NOPCHAP1: variants seen among roughly 807,000 people sequenced by gnomAD.
The protein encoded by NOPCHAP1 is DNA damage-sensitive RNA 1.
NOPCHAP1 carries 13 observed loss-of-function variants against 14.0 expected under a neutral mutation model. That is an observed-to-expected ratio of 0.93 (90% CI 0.60 to 1.47). The LOEUF is 1.47. Among genes scored for constraint, NOPCHAP1 ranks in the 40% most tolerant of loss-of-function variants. NOPCHAP1 has a pLI of 0.00. For missense variants in NOPCHAP1, 230 were observed against 226.9 expected, an observed-to-expected ratio of 1.01 and a Z score of -0.09; for synonymous variants, 78 against 78.4, an observed-to-expected ratio of 1.00 and a Z score of 0.03.
chr12:104,997,470 C>T lies in NOPCHAP1; in HGVS notation c.*2774C>T, dbSNP rs1434385469. Reference sequence around the variant, plus strand: ...CTAACCAGCACATTGTGCACATGTACCCTAAAACTTAAAGTATAATAATAA... The same window carrying T: ...CTAACCAGCACATTGTGCACATGTATCCTAAAACTTAAAGTATAATAATAA... On this transcript the variant is annotated 3_prime_UTR_variant, in exon 4 of 4. Coordinates refer to ENST00000552951, the MANE Select transcript of NOPCHAP1 (RefSeq NM_152318.3). 1 of 152,078 alleles carries T rather than the reference C, an allele frequency of 6.6e-6. No homozygotes were observed. The highest frequency in any genetic ancestry group is 1.5e-5 in the Non-Finnish European group (1 of 68,022). 9.4% of individuals were successfully genotyped at this position (152,078 alleles called of 1,614,324 possible). A position where few individuals can be genotyped will look rare whatever the true frequency, so the allele number is the denominator to read the frequency against.
chr12:105,005,068 G>A lies in NOPCHAP1; in HGVS notation c.*10372G>A, dbSNP rs1275743326. On this transcript the variant is annotated 3_prime_UTR_variant, in exon 4 of 4. Coordinates refer to ENST00000552951, the MANE Select transcript of NOPCHAP1 (RefSeq NM_152318.3). ...TAGGTTGAGGAGGAGGAAGCAGAGG[G>A]GTTGGCACAGGTGGAAGAGGTATAG... 1 of 152,126 alleles carries A rather than the reference G, an allele frequency of 6.6e-6. No individual in the cohort carries two copies. Among genetic ancestry groups the A allele is most frequent in the Non-Finnish European group, 1.5e-5 (1 of 68,034 alleles). The allele number at this position is 152,126 out of a possible 1,614,324, so 9.4% of individuals were successfully genotyped here. A position where few individuals can be genotyped will look rare whatever the true frequency, so the allele number is the denominator to read the frequency against.
chr12:105,001,132 T>C lies in NOPCHAP1; in HGVS notation c.*6436T>C, dbSNP rs994671909. 4.6e-5 allele frequency: 7 copies of C among 152,198 alleles called. 1 individual carries two copies. Among genetic ancestry groups the C allele is most frequent in the Admixed American group, 1.3e-4 (2 of 15,256 alleles). The allele number at this position is 152,198 out of a possible 1,614,324, so 9.4% of individuals were successfully genotyped here. On this transcript the variant is annotated 3_prime_UTR_variant, in exon 4 of 4. Coordinates refer to ENST00000552951, the MANE Select transcript of NOPCHAP1 (RefSeq NM_152318.3). ...ATACCATTGTGTTCGATTAACTGTT[T>C]TAGCTGTTTTATAACTTGTCCAGTG...
At chr12:104,987,651 G>A (rs746164992) in intron 1 of NOPCHAP1, among the ~76,000 whole-genome samples, 4 of 152,132 alleles carry the variant, frequency 2.6e-5, no homozygotes, top group African/African-American at 9.7e-5. Context: ...GAGAAATGAG[G>A]CTGGAAAGGT....
rs569370773 is a variant in NOPCHAP1 at position 104,997,015 on chromosome 12, C to A, written c.*2319C>A. 1 of 152,242 alleles carries A rather than the reference C, an allele frequency of 6.6e-6. No homozygotes were observed. The highest frequency in any genetic ancestry group is 2.4e-5 in the African/African-American group (1 of 41,526). The allele number at this position is 152,242 out of a possible 1,614,324, so 9.4% of individuals were successfully genotyped here. ...GGTGGGTCTCTTGAAGATAGCATACCATTGGATTTTGCTTCTTTATCCAAG... is the reference window on the plus strand; with the variant it reads ...GGTGGGTCTCTTGAAGATAGCATACAATTGGATTTTGCTTCTTTATCCAAG... On this transcript the variant is annotated 3_prime_UTR_variant, in exon 4 of 4. Coordinates refer to ENST00000552951, the MANE Select transcript of NOPCHAP1 (RefSeq NM_152318.3).
Position 105,003,297 on chromosome 12 carries a change from C to G in NOPCHAP1, c.*8601C>G, listed in dbSNP as rs1873645846. The G allele has an allele frequency of 6.6e-6, 1 of 151,936 alleles. No homozygotes were observed. Among genetic ancestry groups the G allele is most frequent in the Non-Finnish European group, 1.5e-5 (1 of 67,998 alleles). 9.4% of individuals were successfully genotyped at this position (151,936 alleles called of 1,614,324 possible). On this transcript the variant is annotated 3_prime_UTR_variant, in exon 4 of 4. Coordinates refer to ENST00000552951, the MANE Select transcript of NOPCHAP1 (RefSeq NM_152318.3). ...TCATTTTTCTAGAAAAGCAACATGC[C>G]CTGAGTCTGTAGTTCTTATACACGA...
rs11112299 is a variant in NOPCHAP1 at position 105,006,136 on chromosome 12, C to T, written c.*11440C>T. 0.31 allele frequency: 47,761 copies of T among 152,034 alleles called. 9,070 individuals are homozygous for T. Among genetic ancestry groups the T allele is most frequent in the African/African-American group, 0.53 (21,884 of 41,452 alleles). The allele number at this position is 152,034 out of a possible 1,614,324, so 9.4% of individuals were successfully genotyped here. ...TCATGATTTCCTTGATTGGCTCTGT[C>T]GTAAATCTTATGAATTCATGCATGA... On this transcript the variant is annotated 3_prime_UTR_variant, in exon 4 of 4. Coordinates refer to ENST00000552951, the MANE Select transcript of NOPCHAP1 (RefSeq NM_152318.3).
rs1280677338 is a variant in NOPCHAP1, at chr12:105,014,129, T to C, written c.*19433T>C. 2 of 152,230 alleles carry C rather than the reference T, an allele frequency of 1.3e-5. No homozygotes were observed. The highest frequency in any genetic ancestry group is 2.9e-5 in the Non-Finnish European group (2 of 68,038). The allele number at this position is 152,230 out of a possible 1,614,324, so 9.4% of individuals were successfully genotyped here. Reference sequence around the variant, plus strand: ...GCAACAGGAGGTGACCACAAAGTTATTACAGTACTAGAGTTAATTTTATGC... The same window carrying C: ...GCAACAGGAGGTGACCACAAAGTTACTACAGTACTAGAGTTAATTTTATGC... On this transcript the variant is annotated 3_prime_UTR_variant, in exon 4 of 4. Coordinates refer to ENST00000552951, the MANE Select transcript of NOPCHAP1 (RefSeq NM_152318.3).
rs9739965 is a variant in NOPCHAP1, at chr12:105,011,445, A to G, written c.*16749A>G. On this transcript the variant is annotated 3_prime_UTR_variant, in exon 4 of 4. Coordinates refer to ENST00000552951, the MANE Select transcript of NOPCHAP1 (RefSeq NM_152318.3). ...ACTCTTTATCCAGTTTGACTGATGG[A>G]TCTTGACTCTTTATCCTGTGTCTTT... The G allele has an allele frequency of 0.23, 34,389 of 151,780 alleles. 5,383 individuals carry two copies. The highest frequency in any genetic ancestry group is 0.5 in the East Asian group (2,574 of 5,162). The allele number at this position is 151,780 out of a possible 1,614,324, so 9.4% of individuals were successfully genotyped here.
Position 105,010,993 on chromosome 12 carries a change from C to T in NOPCHAP1, c.*16297C>T, listed in dbSNP as rs916589934. The T allele has an allele frequency of 6.6e-6, 1 of 152,164 alleles. No homozygotes were observed. The highest frequency in any genetic ancestry group is 1.5e-5 in the Non-Finnish European group (1 of 68,018). 9.4% of individuals were successfully genotyped at this position (152,164 alleles called of 1,614,324 possible). ...GAGTTCTGTAGATGTCTATTAAGCACACTTGGTCCAGAGCTGAGTTCAAGT... is the reference window on the plus strand; with the variant it reads ...GAGTTCTGTAGATGTCTATTAAGCATACTTGGTCCAGAGCTGAGTTCAAGT... On this transcript the variant is annotated 3_prime_UTR_variant, in exon 4 of 4. Transcript: ENST00000552951.
chr12:105,003,460 C>G lies in NOPCHAP1; in HGVS notation c.*8764C>G, dbSNP rs1395694731. The G allele has an allele frequency of 1.3e-5, 2 of 152,114 alleles. No individual in the cohort carries two copies. Among genetic ancestry groups the G allele is most frequent in the South Asian group, 2.1e-4 (1 of 4,816 alleles). 9.4% of individuals were successfully genotyped at this position (152,114 alleles called of 1,614,324 possible). A position where few individuals can be genotyped will look rare whatever the true frequency, so the allele number is the denominator to read the frequency against. On this transcript the variant is annotated 3_prime_UTR_variant, in exon 4 of 4. Transcript: ENST00000552951. The stretch of plus-strand genomic sequence containing the variant: ...GACCCTGTTTGGTAAAAGAATTGTT[C>G]AAGTAAATTTGGAGAGCTCAAAACA...
At position 104,997,380 on chromosome 12, in the gene NOPCHAP1, A is replaced by T. The variant is rs1262068107; in HGVS notation, c.*2684A>T. 6.6e-6 allele frequency: 1 copy of T among 152,222 alleles called. No individual in the cohort carries two copies. Among genetic ancestry groups the T allele is most frequent in the East Asian group, 1.9e-4 (1 of 5,202 alleles). The allele number at this position is 152,222 out of a possible 1,614,324, so 9.4% of individuals were successfully genotyped here. On this transcript the variant is annotated 3_prime_UTR_variant, in exon 4 of 4. Coordinates refer to ENST00000552951, the MANE Select transcript of NOPCHAP1 (RefSeq NM_152318.3). Reference sequence around the variant, plus strand: ...TAGTCAGATATGAATTCTTGGTTGAAAATTATTTTCTTTAAGAATGCTGAG... The same window carrying T: ...TAGTCAGATATGAATTCTTGGTTGATAATTATTTTCTTTAAGAATGCTGAG...
chr12:104,997,174 T>C lies in NOPCHAP1; in HGVS notation c.*2478T>C, dbSNP rs943911089. ...CAGACTTGTCTGTGTGGTTGCTTTA[T>C]AGTGTTACTAATCTACCTACTTAAG... On this transcript the variant is annotated 3_prime_UTR_variant, in exon 4 of 4. Transcript: ENST00000552951. The C allele has an allele frequency of 1.3e-5, 2 of 152,266 alleles. No individual in the cohort carries two copies. The highest frequency in any genetic ancestry group is 4.8e-5 in the African/African-American group (2 of 41,472). 9.4% of individuals were successfully genotyped at this position (152,266 alleles called of 1,614,324 possible).
Position 105,012,329 on chromosome 12 carries a change from G to T in NOPCHAP1, c.*17633G>T, listed in dbSNP as rs1430794827. On this transcript the variant is annotated 3_prime_UTR_variant, in exon 4 of 4. Coordinates refer to ENST00000552951, the MANE Select transcript of NOPCHAP1 (RefSeq NM_152318.3). Reference sequence around the variant, plus strand: ...CGAAGTTCTTGGGCTGTGTTTTTCAGCTCCATCAGGTCATTTATGTTCTTC... The same window carrying T: ...CGAAGTTCTTGGGCTGTGTTTTTCATCTCCATCAGGTCATTTATGTTCTTC... 1 of 152,118 alleles carries T rather than the reference G, an allele frequency of 6.6e-6. No individual in the cohort carries two copies. The highest frequency in any genetic ancestry group is 1.5e-5 in the Non-Finnish European group (1 of 68,026). The allele number at this position is 152,118 out of a possible 1,614,324, so 9.4% of individuals were successfully genotyped here. A position where few individuals can be genotyped will look rare whatever the true frequency, so the allele number is the denominator to read the frequency against.
rs1873514098 is a variant in NOPCHAP1, at chr12:104,997,044, C to G, written c.*2348C>G. 6.6e-6 allele frequency: 1 copy of G among 152,110 alleles called. No individual in the cohort carries two copies. The highest frequency in any genetic ancestry group is 2.4e-5 in the African/African-American group (1 of 41,410). The allele number at this position is 152,110 out of a possible 1,614,324, so 9.4% of individuals were successfully genotyped here. A position where few individuals can be genotyped will look rare whatever the true frequency, so the allele number is the denominator to read the frequency against. On this transcript the variant is annotated 3_prime_UTR_variant, in exon 4 of 4. Coordinates refer to ENST00000552951, the MANE Select transcript of NOPCHAP1 (RefSeq NM_152318.3). ...GGATTTTGCTTCTTTATCCAAGTTG[C>G]CACACTGTTTCTTTTGATTGGGGCA...
intron 2 of NOPCHAP1, 91 bp from the exon 3 acceptor site, chr12:104,991,621 A>G: frequency 7.8e-7 from 1 of 1,287,926 alleles, no homozygotes; most frequent in Non-Finnish European, 1.1e-6. Context: ...GGTTGTTATT[A>G]TTAATACTCA....
chr12:104,988,361 A>T (rs1873293189), intron 2 of NOPCHAP1, 108 bp downstream of exon 2: 1 of 739,394 alleles, frequency 1.4e-6, no homozygotes. Flanking sequence ...CAGATAGTCC[A>T]GTGGAACAAG....
rs1873717113 is a variant in NOPCHAP1, at chr12:105,006,737, T to C, written c.*12041T>C. ...ACCTATCCCTTCCTGCCTTAAATCA[T>C]GCTCACTTCTCTTACTAATTGATGT... On this transcript the variant is annotated 3_prime_UTR_variant, in exon 4 of 4. Coordinates refer to ENST00000552951, the MANE Select transcript of NOPCHAP1 (RefSeq NM_152318.3). The C allele has an allele frequency of 6.6e-6, 1 of 152,220 alleles. No homozygotes were observed. Among genetic ancestry groups the C allele is most frequent in the African/African-American group, 2.4e-5 (1 of 41,466 alleles). 9.4% of individuals were successfully genotyped at this position (152,220 alleles called of 1,614,324 possible).
chr12:104,988,635 A>G (rs1344864748), intron 2 of NOPCHAP1, among the ~76,000 whole-genome samples: 3 of 152,244 alleles, frequency 2.0e-5, no homozygotes, highest in Admixed American at 2.0e-4. Flanking sequence ...AGAATACAGC[A>G]TAATGGCCAG....
chr12:104,994,681 TA>T lies in NOPCHAP1; in HGVS notation c.551del (p.Lys184ArgfsTer13), dbSNP rs777032057. The T allele has an allele frequency of 9.4e-6, 15 of 1,603,168 alleles. No homozygotes were observed. The highest frequency in any genetic ancestry group is 7.0e-5 in the Admixed American group (4 of 57,498). On this transcript the variant is annotated frameshift_variant, in exon 4 of 4. Coordinates refer to ENST00000552951, the MANE Select transcript of NOPCHAP1 (RefSeq NM_152318.3). LOFTEE classifies it high-confidence loss of function. ...KIEVLDSPAS[K>X]KKK ...TTGAAGTTTTGGACAGTCCAGCAAG[TA>T]AAAAAAAGAAATAGTCAAATAAATT...
Sources: gnomAD v4.1 joint callset for allele counts (sites outside exome capture counted in the v4.1 genomes callset) on GRCh38, gnomAD v4.1.1 for gene constraint, MANE v1.5 for transcripts, NCBI Gene and HGNC (gene_info 2026-07-23, HGNC 2026-07-21) for gene names.